The following DLG2 variants were observed in gnomAD, a reference collection of about 807,000 sequenced individuals.
DLG2 encodes disks large homolog 2.
In DLG2, 45 loss-of-function variants were observed where a neutral mutation model predicts 132.5. The observed-to-expected ratio is 0.34, with a 90% CI of 0.27 to 0.44. The LOEUF is 0.44. DLG2 is among the 20% of genes least tolerant of loss of function. DLG2 has a pLI of 1.00. For synonymous variants in DLG2, 424 were observed against 419.6 expected (o/e 1.01, Z -0.13); for missense variants, 1,045 against 1,196.9 (o/e 0.87, Z 1.87).
chr11:84,277,641 T>A (rs1309329841), intron 7 of DLG2, among the ~76,000 whole-genome samples: 2 of 152,148 alleles, frequency 1.3e-5, no homozygotes, highest in Non-Finnish European at 2.9e-5. Flanking sequence ...ATTACTGACT[T>A]CAGCTTCCAT....
At chr11:84,923,357 G>C in intron 6 of DLG2, 1 of 1,163,054 alleles carries the variant, frequency 8.6e-7, no homozygotes, top group Non-Finnish European at 1.1e-6. Flanking sequence ...AATTAGATGA[G>C]AATTCAGCGT....
At chr11:84,520,586 C>G (rs1369897250) in intron 7 of DLG2, among the ~76,000 whole-genome samples, 1 of 152,170 alleles carries the variant, frequency 6.6e-6, no homozygotes, top group Non-Finnish European at 1.5e-5. Flanking sequence ...CCTCTGCGCC[C>G]CCACCCACCA....
intron 17 of DLG2, among the ~76,000 whole-genome samples, chr11:83,811,924 G>A (rs1594789372): frequency 6.6e-6 from 1 of 152,096 alleles, no homozygotes; most frequent in African/African-American, 2.4e-5. Context: ...TGAGGACTGG[G>A]AGTGTGTAGA....
At chr11:84,543,554 C>G (rs118104367) in intron 6 of DLG2, among the ~76,000 whole-genome samples, 1 of 152,162 alleles carries the variant, frequency 6.6e-6, no homozygotes, top group African/African-American at 2.4e-5. Context: ...GGGTCAAGGG[C>G]CCCACCTGCT....
At chr11:84,085,495 C>T (rs1169644470) in intron 10 of DLG2, among the ~76,000 whole-genome samples, 1 of 152,108 alleles carries the variant, frequency 6.6e-6, no homozygotes, top group South Asian at 2.1e-4. Context: ...GCATTGATTT[C>T]CTGGCCATGA....
At chr11:83,484,294 C>T in intron 21 of DLG2, 66 bp from the exon 22 acceptor site, 2 of 1,147,756 alleles carry the variant, frequency 1.7e-6, no homozygotes, top group Non-Finnish European at 1.3e-6. Flanking sequence ...CTCATGCTGA[C>T]AAAACAACTA....
chr11:83,539,979 C>CA (rs1365828781), intron 20 of DLG2, among the ~76,000 whole-genome samples: 2 of 152,152 alleles, frequency 1.3e-5, no homozygotes, highest in African/African-American at 4.8e-5. Flanking sequence ...CTGTATAGTT[C>CA]AACCCCTGTA....
At chr11:85,133,207 T>G (rs1364262644) in intron 5 of DLG2, 1 of 165,630 alleles carries the variant, frequency 6.0e-6, no homozygotes, top group Admixed American at 5.9e-5. Flanking sequence ...GCTGCTTCAG[T>G]ATACTCATAA....
chr11:83,635,844 A>G (rs2064689938), intron 18 of DLG2, among the ~76,000 whole-genome samples: 1 of 152,160 alleles, frequency 6.6e-6, no homozygotes, highest in Admixed American at 6.5e-5. Flanking sequence ...ATCTTGGTGT[A>G]TATGTGAATG....
At chr11:84,642,789 G>C (rs1367214116) in intron 6 of DLG2, among the ~76,000 whole-genome samples, 3 of 152,156 alleles carry the variant, frequency 2.0e-5, no homozygotes, top group African/African-American at 7.2e-5. Flanking sequence ...GCATTGAACA[G>C]TCAAGGTGCC....
chr11:85,478,894 C>A (rs1011828710), intron 3 of DLG2, among the ~76,000 whole-genome samples: 6 of 152,014 alleles, frequency 3.9e-5, no homozygotes, highest in Non-Finnish European at 5.9e-5. Flanking sequence ...AGGTTTAAGA[C>A]CTAAATTTTG....
At chr11:83,868,980 C>T (rs995118965) in intron 16 of DLG2, among the ~76,000 whole-genome samples, 4 of 152,122 alleles carry the variant, frequency 2.6e-5, no homozygotes, top group African/African-American at 9.7e-5. Flanking sequence ...TAAAAGTTTA[C>T]GCTCCATAAC....
At chr11:83,980,450 A>T in intron 12 of DLG2, 56 bp downstream of exon 12, 1 of 1,562,374 alleles carries the variant, frequency 6.4e-7, no homozygotes, top group Admixed American at 1.8e-5. Context: ...ACAGTCATAC[A>T]CTGGAAAACA....
intron 6 of DLG2, among the ~76,000 whole-genome samples, chr11:84,800,949 G>T (rs1436497977): frequency 6.6e-6 from 1 of 152,150 alleles, no homozygotes; most frequent in East Asian, 1.9e-4. Flanking sequence ...CCACATGGGG[G>T]TGTAGTGTTC....
chr11:83,635,582 T>C (rs956211201), intron 18 of DLG2, among the ~76,000 whole-genome samples: 1 of 152,182 alleles, frequency 6.6e-6, no homozygotes, highest in African/African-American at 2.4e-5. Flanking sequence ...GATATGTATG[T>C]GTGTGTTTGT....
At chr11:83,774,572 T>TG (rs1276822173) in intron 18 of DLG2, among the ~76,000 whole-genome samples, 5 of 152,144 alleles carry the variant, frequency 3.3e-5, no homozygotes, top group African/African-American at 1.2e-4. Context: ...TCTTTTTTTT[T>TG]TCTTCCTATA....
intron 6 of DLG2, among the ~76,000 whole-genome samples, chr11:85,095,379 G>A (rs1359458557): frequency 6.6e-6 from 1 of 152,132 alleles, no homozygotes; most frequent in Non-Finnish European, 1.5e-5. Context: ...AATAAAATGA[G>A]TCATTTTTGT....
chr11:83,946,193 T>C (rs959585965), intron 14 of DLG2, among the ~76,000 whole-genome samples: 1 of 152,086 alleles, frequency 6.6e-6, no homozygotes, highest in African/African-American at 2.4e-5. Flanking sequence ...CTTCACCATG[T>C]TGGCCAGGCT....
intron 10 of DLG2, among the ~76,000 whole-genome samples, chr11:84,067,047 A>C (rs1255825808): frequency 3.9e-5 from 6 of 152,126 alleles, no homozygotes; most frequent in Admixed American, 3.9e-4. Flanking sequence ...TAAAGATAAC[A>C]ATCAATCACT....
Sources: allele counts gnomAD v4.1 joint callset (sites outside exome capture counted in the v4.1 genomes callset), GRCh38; gene constraint gnomAD v4.1.1; transcripts MANE v1.5; gene names NCBI Gene and HGNC (gene_info 2026-07-23, HGNC 2026-07-21).